TRAPPC8: variants seen among roughly 807,000 people sequenced by gnomAD.
The protein encoded by TRAPPC8 is general sporulation gene 1 homolog.
In TRAPPC8, 54 loss-of-function variants were observed where a neutral mutation model predicts 174.3. The observed-to-expected ratio is 0.31, with a 90% CI of 0.25 to 0.39. The LOEUF (loss-of-function observed/expected upper bound fraction) is 0.39. Ranked by LOEUF, TRAPPC8 falls within the 10% of genes least tolerant of loss-of-function variation. TRAPPC8 has a pLI of 1.00. For missense variants in TRAPPC8, 1,531 were observed against 1,699.1 expected (o/e 0.90, Z 1.74); for synonymous variants, 630 against 579.9 (o/e 1.09, Z -1.24).
In TRAPPC8 at chr18:31,908,990, T is replaced by C. The variant is rs1256486070; in HGVS notation, c.886A>G (p.Arg296Gly). 2.5e-6 allele frequency: 4 copies of C among 1,608,878 alleles called. No individual in the cohort carries two copies. The highest frequency in any genetic ancestry group is 3.4e-6 in the Non-Finnish European group (4 of 1,177,218). ...TGCTCCAACTGAAGTGGGTGAGCTC[T>C]AAAGTTATTTGGTAAGCCATCTACT... ...EVKDGLPNNF[R>G]AHPLQLEQSS... is the part of the protein sequence containing the mutation. Residue 296 changes from arginine (R) to glycine (G), a missense_variant, in exon 7 of 29, where the codon AGA (arginine) becomes GGA (glycine). Transcript: ENST00000283351.
intron 11 of TRAPPC8, among the ~76,000 whole-genome samples, chr18:31,892,170 A>C (rs1260538298): frequency 6.6e-6 from 1 of 152,250 alleles, no homozygotes; most frequent in Non-Finnish European, 1.5e-5. Context: ...TGAAGAAAAA[A>C]GTGAACATCT....
Position 31,832,145 on chromosome 18 carries a change from G to A in TRAPPC8, c.4012C>T (p.Leu1338Phe). ...ACATCAGCCTTAGAACAATTGGAAA[G>A]TAAAAGAGTGACTGGTACTAAACAA... ...SLCLVPVTLL[L>F]SNCSKADVDV... The change falls in exon 28 of 29, where the codon CTT becomes TTT. Residue 1338 changes from leucine (L) to phenylalanine (F), a missense_variant. By Grantham distance (22) the Leu-to-Phe change is conservative. Coordinates refer to ENST00000283351, the MANE Select transcript of TRAPPC8 (RefSeq NM_014939.5). 1 of 1,548,828 alleles carries A rather than the reference G, an allele frequency of 6.5e-7. No individual in the cohort carries two copies. Among genetic ancestry groups the A allele is most frequent in the Non-Finnish European group, 8.6e-7 (1 of 1,157,892 alleles).
chr18:31,836,689 GCCAA>G (rs1384949230), intron 27 of TRAPPC8, among the ~76,000 whole-genome samples: 20 of 151,560 alleles, frequency 1.3e-4, no homozygotes, highest in Admixed American at 1.3e-3. Context: ...AAATCCAGAT[GCCAA>G]CCCCTACTCT....
At chr18:31,841,344 TA>T (rs2033087276) in intron 26 of TRAPPC8, among the ~76,000 whole-genome samples, 1 of 152,072 alleles carries the variant, frequency 6.6e-6, no homozygotes, top group South Asian at 2.1e-4. Context: ...TTTTTTGCAA[TA>T]AAAATTACTA....
At chr18:31,850,033 ACC>A (rs2033627194) in intron 24 of TRAPPC8, among the ~76,000 whole-genome samples, 1 of 151,826 alleles carries the variant, frequency 6.6e-6, no homozygotes, top group Non-Finnish European at 1.5e-5. Context: ...GCTCACTGCA[ACC>A]TCTACCTCCT....
chr18:31,846,734 A>T lies in TRAPPC8; in HGVS notation c.3819T>A (p.Phe1273Leu). Residue 1273 changes from phenylalanine to leucine, a missense_variant, in exon 26 of 29, where the codon TTT becomes TTA. Coordinates refer to ENST00000283351, the MANE Select transcript of TRAPPC8 (RefSeq NM_014939.5). Reference sequence around the variant, plus strand: ...TTATCACCTGTTTCTGAGGATATGAAAAGGCTTCTTTTCCTATAGTGCGAA... The same window carrying T: ...TTATCACCTGTTTCTGAGGATATGATAAGGCTTCTTTTCCTATAGTGCGAA... ...VILRTIGKEAFSYPQKQEPPE... is the reference protein window; with the variant it reads ...VILRTIGKEALSYPQKQEPPE... 6.2e-7 allele frequency: 1 copy of T among 1,610,970 alleles called. No individual in the cohort carries two copies.
intron 2 of TRAPPC8, among the ~76,000 whole-genome samples, chr18:31,923,669 C>T (rs556011587): frequency 4.1e-4 from 62 of 151,350 alleles, no homozygotes; most frequent in African/African-American, 1.4e-3. Flanking sequence ...AGTACTTCAT[C>T]GTATCTCATT....
intron 2 of TRAPPC8, among the ~76,000 whole-genome samples, chr18:31,925,816 G>A (rs2037591300): frequency 6.6e-6 from 1 of 152,032 alleles, no homozygotes; most frequent in East Asian, 1.9e-4. Flanking sequence ...AAAAGAAAGT[G>A]GATCAATTCT....
chr18:31,919,970 T>C (rs577143331), intron 2 of TRAPPC8, among the ~76,000 whole-genome samples: 1 of 152,040 alleles, frequency 6.6e-6, no homozygotes, highest in Non-Finnish European at 1.5e-5. Context: ...AACACACAAA[T>C]AGGAAACTAA....
At chr18:31,836,217 AG>A in intron 27 of TRAPPC8, among the ~76,000 whole-genome samples, 1 of 152,354 alleles carries the variant, frequency 6.6e-6, no homozygotes. Context: ...TGGAAATGTC[AG>A]AAATTCCCAA....
intron 5 of TRAPPC8, among the ~76,000 whole-genome samples, chr18:31,912,590 G>A (rs1412689550): frequency 1.3e-5 from 2 of 152,206 alleles, no homozygotes; most frequent in Admixed American, 1.3e-4. Flanking sequence ...GAACCCAGGA[G>A]GTGGAGGCTG....
chr18:31,905,148 ATCTAG>A (rs1273505564), intron 9 of TRAPPC8, among the ~76,000 whole-genome samples: 1 of 152,200 alleles, frequency 6.6e-6, no homozygotes, highest in African/African-American at 2.4e-5. Context: ...AAGGCATACG[ATCTAG>A]TCTATTCTAC....
intron 12 of TRAPPC8, among the ~76,000 whole-genome samples, chr18:31,880,495 C>T (rs574239439): frequency 6.6e-6 from 1 of 151,828 alleles, no homozygotes. Flanking sequence ...AAGAAACATA[C>T]CTAAAAATAA....
chr18:31,864,504 T>C, intron 19 of TRAPPC8, 123 bp downstream of exon 19: 1 of 900,596 alleles, frequency 1.1e-6, no homozygotes, highest in Non-Finnish European at 1.6e-6. Flanking sequence ...AACACTAGCT[T>C]AATAATAATT....
rs1288031714 is a variant in TRAPPC8 at position 31,830,517 on chromosome 18, G to C, written c.*238C>G. 1.8e-5 allele frequency: 9 copies of C among 493,610 alleles called. No homozygotes were observed. The East Asian group carries it at 3.1e-4, about 17-fold the overall frequency. The allele number at this position is 493,610 out of a possible 1,614,324, so 30.6% of individuals were successfully genotyped here. ...GCTTAATAAGGTGCACAAATATGCT[G>C]ATATCCTGTATTATGAGCATGTAAA... On this transcript the variant is annotated 3_prime_UTR_variant, in exon 29 of 29. Transcript: ENST00000283351.
chr18:31,880,870 G>T (rs1054419578), intron 12 of TRAPPC8, among the ~76,000 whole-genome samples: 3 of 151,986 alleles, frequency 2.0e-5, no homozygotes, highest in African/African-American at 7.2e-5. Context: ...AACTCAGGAT[G>T]AGAACCAAGT....
intron 5 of TRAPPC8, among the ~76,000 whole-genome samples, chr18:31,910,460 A>G (rs2036857867): frequency 6.6e-6 from 1 of 152,206 alleles, no homozygotes; most frequent in African/African-American, 2.4e-5. Flanking sequence ...AGGCATATTT[A>G]GACTGGAAAA....
chr18:31,894,489 G>A (rs914425255), intron 11 of TRAPPC8, among the ~76,000 whole-genome samples: 1 of 151,938 alleles, frequency 6.6e-6, no homozygotes, highest in African/African-American at 2.4e-5. Context: ...AAAATCTGTT[G>A]ATAGCACTTC....
chr18:31,898,139 C>A (rs1212207975), intron 10 of TRAPPC8, among the ~76,000 whole-genome samples: 1 of 150,688 alleles, frequency 6.6e-6, no homozygotes, highest in African/African-American at 2.4e-5. Flanking sequence ...CTTATAATAC[C>A]TACTACAATG....
Sources: gnomAD v4.1 joint callset for allele counts (sites outside exome capture counted in the v4.1 genomes callset) on GRCh38, gnomAD v4.1.1 for gene constraint, MANE v1.5 for transcripts, NCBI Gene and HGNC (gene_info 2026-07-23, HGNC 2026-07-21) for gene names.